Variants in CNOT1 observed in about 807,000 individuals in gnomAD.
CNOT1 encodes CCR4-associated factor 1.
Under a neutral mutation model 273.8 loss-of-function variants are expected in CNOT1, and 15 were observed. That is an observed-to-expected ratio of 0.05 (90% CI 0.04 to 0.08). CNOT1 has a LOEUF of 0.08. Among genes scored for constraint, CNOT1 ranks in the 10% least tolerant of loss-of-function variants. CNOT1 has a pLI of 1.00. For synonymous variants in CNOT1, 1,022 were observed against 1,005.5 expected, an observed-to-expected ratio of 1.02 and a Z score of -0.31; for missense variants, 1,644 against 2,912.2, an observed-to-expected ratio of 0.56 and a Z score of 10.02.
chr16:58,548,974 A>T (rs1221490337), intron 25 of CNOT1, among the ~76,000 whole-genome samples: 1 of 152,154 alleles, frequency 6.6e-6, no homozygotes, highest in Admixed American at 6.6e-5. Context: ...TTTCTACAAG[A>T]CTATATTTTT....
intron 2 of CNOT1, among the ~76,000 whole-genome samples, chr16:58,589,183 T>C (rs934998679): frequency 6.6e-6 from 1 of 152,102 alleles, no homozygotes; most frequent in African/African-American, 2.4e-5. Context: ...ATCACAGGCA[T>C]ACACCACTGC....
At chr16:58,564,138 T>C (rs998476192) in intron 16 of CNOT1, among the ~76,000 whole-genome samples, 42 of 152,166 alleles carry the variant, frequency 2.8e-4, no homozygotes, top group Non-Finnish European at 1.8e-4. Context: ...GGGATAAATA[T>C]ACGAATAAGT....
At chr16:58,559,923 G>T in intron 17 of CNOT1, 1 of 755,216 alleles carries the variant, frequency 1.3e-6, no homozygotes, top group Non-Finnish European at 2.2e-6. Context: ...AGGTTCAAAG[G>T]CAGTGCTTAT....
At chr16:58,526,800 A>G (rs1444054373) in intron 44 of CNOT1, among the ~76,000 whole-genome samples, 3 of 149,710 alleles carry the variant, frequency 2.0e-5, no homozygotes, top group Non-Finnish European at 3.0e-5. Context: ...CTGGGCAACA[A>G]GAACGAAACT....
intron 2 of CNOT1, among the ~76,000 whole-genome samples, chr16:58,594,341 A>T (rs1000106001): frequency 6.6e-6 from 1 of 152,238 alleles, no homozygotes; most frequent in Admixed American, 6.5e-5. Context: ...GCACCAAGGC[A>T]GAAATAGAAT....
chr16:58,590,077 G>C (rs1156578952), intron 2 of CNOT1, among the ~76,000 whole-genome samples: 1 of 152,196 alleles, frequency 6.6e-6, no homozygotes, highest in Non-Finnish European at 1.5e-5. Context: ...TGCACATCTA[G>C]TCTAGAAAAT....
chr16:58,546,611 T>C lies in CNOT1; in HGVS notation c.3828+61A>G, dbSNP rs1481289879. 16 of 1,612,392 alleles carry C rather than the reference T, an allele frequency of 9.9e-6. No homozygotes were observed. In the East Asian group the frequency reaches 1.3e-4, roughly 13 times the overall value. On this transcript the variant is annotated intron_variant, in intron 28 of 48. Coordinates refer to ENST00000317147, the MANE Select transcript of CNOT1 (RefSeq NM_016284.5). ...TTCCCCCGAAATACCCTGCCTTCAC[T>C]GTAAGTTTTAATAATGTGAAGGCAA...
At position 58,620,652 on chromosome 16, in the gene CNOT1, TTAAAAAAA is replaced by T. The variant is rs1480212535; in HGVS notation, c.-175+9068_-175+9075del. ...TGACACAGCGAAGACTCTGTCTCAT[TTAAAAAAA>T]AAAAAAAAAAAAAAAAAGAGGACAA... is the stretch of plus-strand genomic sequence containing the variant. On this transcript the variant is annotated intron_variant, in intron 1 of 48. Coordinates refer to ENST00000317147, the MANE Select transcript of CNOT1 (RefSeq NM_016284.5). Among the ~76,000 whole-genome samples, 7 of 26,590 alleles carry T rather than the reference TTAAAAAAA, an allele frequency of 2.6e-4. No homozygotes were observed. The East Asian group carries it at 4.7e-3, about 18-fold the overall frequency. 17.4% of individuals were successfully genotyped at this position (26,590 alleles called of 152,430 possible).
At chr16:58,551,542 CAAT>C in intron 23 of CNOT1, 44 bp downstream of exon 23, 1 of 1,551,130 alleles carries the variant, frequency 6.4e-7, no homozygotes, top group East Asian at 2.3e-5. Context: ...CTGATTATTA[CAAT>C]ATAATCATAA....
chr16:58,573,420 C>A (rs1029197625), intron 16 of CNOT1, among the ~76,000 whole-genome samples: 9 of 151,538 alleles, frequency 5.9e-5, no homozygotes, highest in Non-Finnish European at 1.0e-4. Flanking sequence ...AGTACTCCCC[C>A]AAATGAGCTA....
chr16:58,622,641 G>A (rs903718958), intron 1 of CNOT1, among the ~76,000 whole-genome samples: 2 of 151,962 alleles, frequency 1.3e-5, no homozygotes, highest in Admixed American at 6.6e-5. Flanking sequence ...GAGGTCAGGA[G>A]TTTGAGACCA....
chr16:58,581,784 C>A (rs1021460044), intron 10 of CNOT1, among the ~76,000 whole-genome samples: 1 of 152,032 alleles, frequency 6.6e-6, no homozygotes, highest in Admixed American at 6.6e-5. Context: ...GCCTCAGCCT[C>A]CCAAGTATCT....
chr16:58,608,180 T>G (rs1201483570), intron 1 of CNOT1, among the ~76,000 whole-genome samples: 1 of 150,548 alleles, frequency 6.6e-6, no homozygotes, highest in Non-Finnish European at 1.5e-5. Context: ...TTGTCTCAAT[T>G]TAAAAAAAAA....
Position 58,538,229 on chromosome 16 carries a change from C to T in CNOT1, c.5173G>A (p.Val1725Met). 6.9e-7 allele frequency: 1 copy of T among 1,439,102 alleles called. No homozygotes were observed. Among genetic ancestry groups the T allele is most frequent in the Non-Finnish European group, 9.8e-7 (1 of 1,020,302 alleles). 89.1% of individuals were successfully genotyped at this position (1,439,102 alleles called of 1,614,324 possible). A position where few individuals can be genotyped will look rare whatever the true frequency, so the allele number is the denominator to read the frequency against. The part of the protein sequence containing the change: ...IECRDEYKYN[V>M]EAVELLIRNH... ...CGAATTAGCAGCTCCACAGCCTCCA[C>T]ATTATATTTATATTCATCTCGACAT... is the stretch of plus-strand genomic sequence containing the variant. Residue 1725 changes from valine (V) to methionine (M), a missense_variant, in exon 37 of 49, where the codon GTG becomes ATG. Coordinates refer to ENST00000317147, the MANE Select transcript of CNOT1 (RefSeq NM_016284.5).
At chr16:58,599,622 A>G (rs946033223) in intron 1 of CNOT1, 111 bp from the exon 2 acceptor site, 1 of 461,758 alleles carries the variant, frequency 2.2e-6, no homozygotes, top group Admixed American at 3.6e-5. Context: ...CTAGTTGCAA[A>G]TTAATAATTA....
intron 1 of CNOT1, among the ~76,000 whole-genome samples, chr16:58,619,149 C>G (rs1287719044): frequency 6.6e-6 from 1 of 151,782 alleles, no homozygotes; most frequent in African/African-American, 2.4e-5. Context: ...TGCAGTGAGC[C>G]ATGATCGTGC....
At chr16:58,597,611 G>C (rs1485914374) in intron 2 of CNOT1, 3 of 397,242 alleles carry the variant, frequency 7.6e-6, no homozygotes, top group South Asian at 4.3e-5. Context: ...TTGGCACTTT[G>C]ATCTGTAAGC....
chr16:58,557,008 G>C lies in CNOT1; in HGVS notation c.2333-15C>G. 6.2e-7 allele frequency: 1 copy of C among 1,610,996 alleles called. No homozygotes were observed. On this transcript the variant is annotated splice_polypyrimidine_tract_variant and intron_variant, in intron 18 of 48. Transcript: ENST00000317147. ...AAGACCACCTACTAGAGAGAACGAA[G>C]GCAGCCACAAATCCTATCATTATTC...
At chr16:58,524,639 G>A (rs916696945) in intron 46 of CNOT1, among the ~76,000 whole-genome samples, 1 of 152,066 alleles carries the variant, frequency 6.6e-6, no homozygotes, top group African/African-American at 2.4e-5. Context: ...AAACTGGACA[G>A]GACTGTACAA....
Sources: allele counts gnomAD v4.1 joint callset (sites outside exome capture counted in the v4.1 genomes callset), GRCh38; gene constraint gnomAD v4.1.1; transcripts MANE v1.5; gene names NCBI Gene and HGNC (gene_info 2026-07-23, HGNC 2026-07-21).